TMEM255B: variants seen among roughly 807,000 people sequenced by gnomAD.
TMEM255B encodes transmembrane protein 255B, also known as family with sequence similarity 70, member B.
TMEM255B carries 35 observed loss-of-function variants against 34.5 expected under a neutral mutation model. The ratio of observed to expected loss-of-function variants is 1.01; its 90% CI spans 0.77 to 1.34. The LOEUF is 1.34. Ranked by LOEUF, TMEM255B falls within the 40% of genes most tolerant of loss-of-function variation. The pLI, the probability that TMEM255B is intolerant of heterozygous loss-of-function variation, is 0.00. For synonymous variants in TMEM255B, 206 were observed against 201.2 expected (o/e 1.02, Z -0.20); for missense variants, 432 against 433.2 (o/e 1.00, Z 0.02).
intron 3 of TMEM255B, among the ~76,000 whole-genome samples, chr13:113,789,729 T>C (rs1207953542): frequency 6.6e-6 from 1 of 151,736 alleles, no homozygotes; most frequent in Non-Finnish European, 1.5e-5. Context: ...GAACTGACCA[T>C]GTACATGGAC....
intron 3 of TMEM255B, among the ~76,000 whole-genome samples, chr13:113,780,222 A>G (rs1217549245): frequency 2.6e-5 from 4 of 152,236 alleles, no homozygotes; most frequent in Non-Finnish European, 5.9e-5. Context: ...CCAGTTTCCA[A>G]GGCCTTTCTT....
Position 113,814,320 on chromosome 13 carries a change from G to A in TMEM255B, c.*2417G>A, listed in dbSNP as rs1399632053. 1 of 152,290 alleles carries A rather than the reference G, an allele frequency of 6.6e-6. No homozygotes were observed. The highest frequency in any genetic ancestry group is 1.5e-5 in the Non-Finnish European group (1 of 68,082). The allele number at this position is 152,290 out of a possible 1,614,324, so 9.4% of individuals were successfully genotyped here. A position where few individuals can be genotyped will look rare whatever the true frequency, so the allele number is the denominator to read the frequency against. On this transcript the variant is annotated 3_prime_UTR_variant, in exon 9 of 9. Coordinates refer to ENST00000375353, the MANE Select transcript of TMEM255B (RefSeq NM_182614.4). ...CCCTCATGTCAGCCCTCGGTCGCAG[G>A]GTGCGGTGTGGGGGCATCAGAGTGC... is the stretch of plus-strand genomic sequence containing the variant.
intron 3 of TMEM255B, among the ~76,000 whole-genome samples, chr13:113,780,601 A>G (rs1344051387): frequency 1.3e-5 from 2 of 152,240 alleles, no homozygotes; most frequent in African/African-American, 2.4e-5. Flanking sequence ...CAGTTCATGT[A>G]GTTAATTCCT....
At chr13:113,768,043 A>G (rs758328844) in intron 2 of TMEM255B, 1 of 370,424 alleles carries the variant, frequency 2.7e-6, no homozygotes, top group Non-Finnish European at 5.7e-6. Context: ...ACAATTACAG[A>G]AAAGGCAAAA....
At position 113,804,895 on chromosome 13, in the gene TMEM255B, C is replaced by T. The variant is rs1190574777; in HGVS notation, c.680C>T (p.Ser227Phe). 6.2e-7 allele frequency: 1 copy of T among 1,600,058 alleles called. No individual in the cohort carries two copies. ...LGAFKDMVPL[S>F]QLAYGPAVPP... The stretch of plus-strand genomic sequence containing the variant: ...TCCTCTCCATGGCAGGTGCCTCTGT[C>T]CCAGCTGGCCTATGGCCCAGCCGTC... The change falls in exon 8 of 9, where the codon TCC (serine) becomes TTC (phenylalanine). Residue 227 changes from serine (S) to phenylalanine (F), a missense_variant. Transcript: ENST00000375353.
At chr13:113,789,040 G>C (rs1390962577) in intron 3 of TMEM255B, among the ~76,000 whole-genome samples, 1 of 151,900 alleles carries the variant, frequency 6.6e-6, no homozygotes, top group Non-Finnish European at 1.5e-5. Flanking sequence ...GTCTCTGCTC[G>C]AATGTCCCAG....
At position 113,761,924 on chromosome 13, in the gene TMEM255B, A is replaced by C. The variant is rs192614283; in HGVS notation, c.46+2609A>C. Reference sequence around the variant, plus strand: ...GGGTTCTCTTCTCCCAGGCTCAGGGAGATTAAATGGCCGCCCAAGACCACA... The same window carrying C: ...GGGTTCTCTTCTCCCAGGCTCAGGGCGATTAAATGGCCGCCCAAGACCACA... On this transcript the variant is annotated intron_variant, in intron 1 of 8. Coordinates refer to ENST00000375353, the MANE Select transcript of TMEM255B (RefSeq NM_182614.4). 2.0e-5 allele frequency among the ~76,000 whole-genome samples: 3 copies of C among 152,274 alleles called. No homozygotes were observed. The East Asian group carries it at 5.8e-4, about 29-fold the overall frequency.
intron 7 of TMEM255B, among the ~76,000 whole-genome samples, chr13:113,804,035 G>A (rs1436139285): frequency 9.2e-6 from 1 of 108,340 alleles, no homozygotes; most frequent in African/African-American, 3.5e-5. Context: ...TGCTGAACCT[G>A]GGGGTGGGGG....
chr13:113,801,891 G>C, intron 7 of TMEM255B, 79 bp downstream of exon 7: 3 of 1,413,118 alleles, frequency 2.1e-6, no homozygotes, highest in Non-Finnish European at 2.8e-6. Context: ...GGGCTGGGGG[G>C]CCTCCAGCCC....
chr13:113,806,423 TCTC>T lies in TMEM255B; in HGVS notation c.813+1399_813+1401del, dbSNP rs1261053919. Among the ~76,000 whole-genome samples, 3 of 152,052 alleles carry T rather than the reference TCTC, an allele frequency of 2.0e-5. No homozygotes were observed. In the East Asian group the frequency reaches 5.8e-4, roughly 29 times the overall value. On this transcript the variant is annotated intron_variant, in intron 8 of 8. Coordinates refer to ENST00000375353, the MANE Select transcript of TMEM255B (RefSeq NM_182614.4). This position sits in a 1 kb window ranked among gnomAD's most constrained non-coding sequence, Gnocchi z 4.2. Reference sequence around the variant, plus strand: ...TGGAGATGACCAGGGCCTGACAACATCTCCTCGTGGAGGGATCCCTGCACCTCA... The same window carrying T: ...TGGAGATGACCAGGGCCTGACAACATCTCGTGGAGGGATCCCTGCACCTCA...
Position 113,778,496 on chromosome 13 carries a change from G to A in TMEM255B, c.252+9336G>A, listed in dbSNP as rs185588597. On this transcript the variant is annotated intron_variant, in intron 3 of 8. Coordinates refer to ENST00000375353, the MANE Select transcript of TMEM255B (RefSeq NM_182614.4). ...ATTTCATCTGCTGTAATGATATGAC[G>A]ATGATCACCTGTGGTACTGTGGCGT... 8.7e-5 allele frequency among the ~76,000 whole-genome samples: 13 copies of A among 150,254 alleles called. No homozygotes were observed. In the East Asian group the frequency reaches 2.3e-3, roughly 27 times the overall value.
At chr13:113,768,500 C>T (rs1168923663) in intron 2 of TMEM255B, among the ~76,000 whole-genome samples, 2 of 152,196 alleles carry the variant, frequency 1.3e-5, no homozygotes, top group African/African-American at 4.8e-5. Flanking sequence ...GTGGCCTGTG[C>T]TGCAGCCCGG....
At chr13:113,768,192 G>A (rs1280700965) in intron 2 of TMEM255B, 1 of 470,240 alleles carries the variant, frequency 2.1e-6, no homozygotes, top group Admixed American at 2.4e-5. Context: ...GCACCTGCGT[G>A]GGAGCAAGAG....
chr13:113,811,667 C>T (rs1260989053), intron 8 of TMEM255B, 69 bp from the exon 9 acceptor site: 1 of 1,581,470 alleles, frequency 6.3e-7, no homozygotes, highest in East Asian at 2.3e-5. Context: ...TGGTATATGT[C>T]AGGCTTCCCT....
chr13:113,773,615 T>G lies in TMEM255B; in HGVS notation c.252+4455T>G, dbSNP rs565448851. ...TCTGTGATGCCTGTGCAAGCTCATT[T>G]CTGCCTTTTCAGGAGAGGCATTCTT... On this transcript the variant is annotated intron_variant, in intron 3 of 8. Transcript: ENST00000375353. Among the ~76,000 whole-genome samples the G allele has an allele frequency of 7.5e-4, 115 of 152,386 alleles. 1 individual carries two copies. The highest frequency in any genetic ancestry group is 2.9e-4 in the Non-Finnish European group (20 of 68,042).
At chr13:113,800,708 C>T (rs1018513456) in intron 5 of TMEM255B, 119 bp from the exon 6 acceptor site, 3 of 892,716 alleles carry the variant, frequency 3.4e-6, no homozygotes, top group Non-Finnish European at 3.5e-6. Context: ...TCGGGGGAGG[C>T]AGCTGCTTGG....
In TMEM255B at chr13:113,766,402, C is replaced by T. The variant is rs776337477; in HGVS notation, c.189+145C>T. ...GCTTGTGGTCGGCAGGGTTATGGCC[C>T]CCACAGACATGCACTTCCCAATCCC... On this transcript the variant is annotated intron_variant, in intron 2 of 8. Transcript: ENST00000375353. 13 of 1,171,926 alleles carry T rather than the reference C, an allele frequency of 1.1e-5. No homozygotes were observed. The African/African-American group carries it at 1.9e-4, about 18-fold the overall frequency. The allele number at this position is 1,171,926 out of a possible 1,614,324, so 72.6% of individuals were successfully genotyped here.
chr13:113,777,846 C>A (rs527859414), intron 3 of TMEM255B, among the ~76,000 whole-genome samples: 4 of 152,346 alleles, frequency 2.6e-5, no homozygotes, highest in South Asian at 2.1e-4. Context: ...TCTGCCTCCC[C>A]CTGAGTGCCT....
chr13:113,794,914 C>T (rs2050893149), intron 3 of TMEM255B, among the ~76,000 whole-genome samples: 1 of 152,246 alleles, frequency 6.6e-6, no homozygotes, highest in African/African-American at 2.4e-5. Context: ...GGGATGGCAA[C>T]GCCCTTCCGT....
Sources: gnomAD v4.1 joint callset for allele counts (sites outside exome capture counted in the v4.1 genomes callset) on GRCh38, gnomAD v4.1.1 for gene constraint, Gnocchi (gnomAD v3.1) non-coding constraint, MANE v1.5 for transcripts, NCBI Gene and HGNC (gene_info 2026-07-23, HGNC 2026-07-21) for gene names.